Variants in ZNF804B observed in about 807,000 individuals in gnomAD.
ZNF804B encodes zinc finger 804B.
A neutral mutation model predicts 101.4 loss-of-function variants in ZNF804B; 80 were observed. The ratio of observed to expected loss-of-function variants is 0.79; its 90% CI spans 0.66 to 0.95. The LOEUF (loss-of-function observed/expected upper bound fraction) is 0.95. Ranked by LOEUF, ZNF804B falls within the 40% of genes least tolerant of loss-of-function variation. The probability of loss-of-function intolerance (pLI) is 0.00; values close to 1 mark genes in which losing one functional copy is unlikely to be tolerated. For synonymous variants in ZNF804B, 622 were observed against 558.8 expected (o/e 1.11, Z -1.59); for missense variants, 1,673 against 1,561.9 (o/e 1.07, Z -1.20).
chr7:89,275,088 A>G (rs1179654697), intron 2 of ZNF804B, among the ~76,000 whole-genome samples: 1 of 151,948 alleles, frequency 6.6e-6, no homozygotes, highest in African/African-American at 2.4e-5. Flanking sequence ...GGCATCTGAA[A>G]ATTATCTAGA....
chr7:88,851,511 G>C (rs372599683), intron 1 of ZNF804B, among the ~76,000 whole-genome samples: 1 of 151,922 alleles, frequency 6.6e-6, no homozygotes, highest in East Asian at 1.9e-4. Flanking sequence ...CCATAATCTA[G>C]AATTCTTCAC....
Position 88,786,436 on chromosome 7 carries a change from AT to A in ZNF804B, c.108+26360del, listed in dbSNP as rs529324425. ...AAATTAAGCTCAATAAGCACTGCTG[AT>A]TTTTTTTCTCTTTACTGAATGCAGA... On this transcript the variant is annotated intron_variant, in intron 1 of 3. Coordinates refer to ENST00000333190, the MANE Select transcript of ZNF804B (RefSeq NM_181646.5). Among the ~76,000 whole-genome samples the A allele has an allele frequency of 8.8e-3, 1,344 of 152,030 alleles. 17 individuals carry two copies. Among genetic ancestry groups the A allele is most frequent in the African/African-American group, 0.03 (1,264 of 41,494 alleles).
chr7:89,181,513 C>A (rs184345014), intron 1 of ZNF804B, among the ~76,000 whole-genome samples: 36 of 152,274 alleles, frequency 2.4e-4, no homozygotes, highest in Admixed American at 4.6e-4. Context: ...TCCCTGCAGT[C>A]TCCCTTCCCC....
chr7:89,219,047 A>G (rs1272523314), intron 2 of ZNF804B, among the ~76,000 whole-genome samples: 1 of 152,074 alleles, frequency 6.6e-6, no homozygotes, highest in Non-Finnish European at 1.5e-5. Flanking sequence ...AAGTTACTTA[A>G]CTAGTTAGTG....
intron 1 of ZNF804B, among the ~76,000 whole-genome samples, chr7:89,182,326 T>C (rs1348209952): frequency 1.3e-5 from 2 of 152,180 alleles, no homozygotes; most frequent in East Asian, 3.9e-4. Flanking sequence ...ATTCTGCTAA[T>C]ACAGCATATT....
intron 2 of ZNF804B, among the ~76,000 whole-genome samples, chr7:89,291,957 A>G (rs1790298951): frequency 6.6e-6 from 1 of 152,104 alleles, no homozygotes; most frequent in East Asian, 1.9e-4. Context: ...GAAACCTTAC[A>G]TGACGAGAAA....
intron 2 of ZNF804B, among the ~76,000 whole-genome samples, chr7:89,280,460 G>C (rs796125590): frequency 3.9e-5 from 6 of 151,930 alleles, no homozygotes; most frequent in African/African-American, 1.5e-4. Context: ...AAAAATTAAT[G>C]AATCCAGGAG....
chr7:89,076,226 G>T (rs1789613611), intron 1 of ZNF804B, among the ~76,000 whole-genome samples: 1 of 152,158 alleles, frequency 6.6e-6, no homozygotes, highest in African/African-American at 2.4e-5. Flanking sequence ...ATATGGTTTG[G>T]CTGCATCCCC....
At chr7:88,909,355 C>G (rs754466061) in intron 1 of ZNF804B, among the ~76,000 whole-genome samples, 2 of 151,838 alleles carry the variant, frequency 1.3e-5, no homozygotes, top group Non-Finnish European at 3.0e-5. Flanking sequence ...AATTATTTTT[C>G]AATCTGATGG....
At chr7:89,299,600 A>G (rs1269052085) in intron 2 of ZNF804B, among the ~76,000 whole-genome samples, 3 of 152,166 alleles carry the variant, frequency 2.0e-5, no homozygotes, top group Admixed American at 2.0e-4. Flanking sequence ...AACAAAACTC[A>G]GCTGGCTTAT....
At chr7:89,152,510 G>T (rs535563983) in intron 1 of ZNF804B, among the ~76,000 whole-genome samples, 4 of 151,872 alleles carry the variant, frequency 2.6e-5, no homozygotes, top group East Asian at 3.9e-4. Flanking sequence ...AATTCATTAT[G>T]CATTCTATCT....
chr7:88,840,719 C>G (rs1018145295), intron 1 of ZNF804B, among the ~76,000 whole-genome samples: 1 of 152,008 alleles, frequency 6.6e-6, no homozygotes. Context: ...ATTGGACATA[C>G]AGAAAACCAA....
At position 89,300,886 on chromosome 7, in the gene ZNF804B, A is replaced by G. The variant is rs1353521745; in HGVS notation, c.250-26458A>G. ...AGAAGTGGAGGAGGGTGAAATTGGCAGCTGAGAGATCTGCTAGATCTCTCT... is the reference window on the plus strand; with the variant it reads ...AGAAGTGGAGGAGGGTGAAATTGGCGGCTGAGAGATCTGCTAGATCTCTCT... On this transcript the variant is annotated intron_variant, in intron 2 of 3. Coordinates refer to ENST00000333190, the MANE Select transcript of ZNF804B (RefSeq NM_181646.5). Among the ~76,000 whole-genome samples, 11 of 151,768 alleles carry G rather than the reference A, an allele frequency of 7.2e-5. No homozygotes were observed. The Admixed American group carries it at 7.3e-4, about 10-fold the overall frequency.
At chr7:88,958,606 G>A (rs113617584) in intron 1 of ZNF804B, among the ~76,000 whole-genome samples, 11 of 151,506 alleles carry the variant, frequency 7.3e-5, no homozygotes, top group African/African-American at 2.7e-4. Context: ...GCCACCTTGT[G>A]GCTCACCATA....
intron 1 of ZNF804B, among the ~76,000 whole-genome samples, chr7:89,159,970 C>T (rs934771920): frequency 1.3e-5 from 2 of 152,040 alleles, no homozygotes; most frequent in Admixed American, 1.3e-4. Flanking sequence ...TGTAGAGATA[C>T]GTCTAGCTGA....
chr7:89,137,747 G>A (rs1253610803), intron 1 of ZNF804B, among the ~76,000 whole-genome samples: 4 of 152,120 alleles, frequency 2.6e-5, no homozygotes, highest in East Asian at 1.9e-4. Flanking sequence ...CTGCAGAAAT[G>A]AGCATAAATA....
intron 1 of ZNF804B, among the ~76,000 whole-genome samples, chr7:88,946,753 G>A (rs1278113899): frequency 1.3e-5 from 2 of 151,706 alleles, no homozygotes; most frequent in African/African-American, 4.8e-5. Context: ...TGATTGGTAG[G>A]CTATTAATTA....
At chr7:88,875,899 CA>C (rs1323829768) in intron 1 of ZNF804B, among the ~76,000 whole-genome samples, 1 of 152,096 alleles carries the variant, frequency 6.6e-6, no homozygotes, top group East Asian at 1.9e-4. Context: ...AACATTGATG[CA>C]AAAATCCTAA....
intron 2 of ZNF804B, among the ~76,000 whole-genome samples, chr7:89,265,319 C>T (rs1265402773): frequency 6.6e-6 from 1 of 151,434 alleles, no homozygotes; most frequent in Admixed American, 6.6e-5. Flanking sequence ...CACACATGCA[C>T]GTGCACAGGC....
Sources: gnomAD v4.1 joint callset for allele counts (sites outside exome capture counted in the v4.1 genomes callset) on GRCh38, gnomAD v4.1.1 for gene constraint, MANE v1.5 for transcripts, NCBI Gene and HGNC (gene_info 2026-07-23, HGNC 2026-07-21) for gene names.